The following MACROD2 variants were observed in gnomAD, a reference collection of about 807,000 sequenced individuals.
The protein encoded by MACROD2 is ADP-ribose glycohydrolase MACROD2.
In MACROD2, 36 loss-of-function variants were observed where a neutral mutation model predicts 70.4. That is an observed-to-expected ratio of 0.51 (90% confidence interval 0.39 to 0.68). MACROD2 has a LOEUF of 0.68. MACROD2 is among the 30% of genes least tolerant of loss of function. The probability of loss-of-function intolerance (pLI) is 0.00; values close to 1 mark genes in which losing one functional copy is unlikely to be tolerated. For synonymous variants in MACROD2, 172 were observed against 178.8 expected (o/e 0.96, Z 0.30); for missense variants, 496 against 538.4 (o/e 0.92, Z 0.78).
intron 8 of MACROD2, among the ~76,000 whole-genome samples, chr20:15,604,720 G>T (rs1018376806): frequency 1.3e-5 from 2 of 152,178 alleles, no homozygotes; most frequent in Non-Finnish European, 2.9e-5. Context: ...ACGATTTGGG[G>T]TTCTTGGTTC....
intron 6 of MACROD2, among the ~76,000 whole-genome samples, chr20:15,297,499 T>C (rs1207186292): frequency 6.6e-6 from 1 of 152,214 alleles, no homozygotes; most frequent in African/African-American, 2.4e-5. Flanking sequence ...GGAAAGAATT[T>C]TGCTGCATTG....
At chr20:15,484,694 A>G (rs1429073356) in intron 7 of MACROD2, among the ~76,000 whole-genome samples, 1 of 152,118 alleles carries the variant, frequency 6.6e-6, no homozygotes, top group Non-Finnish European at 1.5e-5. Flanking sequence ...TTTTTCTCTA[A>G]TATTCATTGT....
chr20:15,862,682 A>G (rs2064440638), intron 8 of MACROD2, 63 bp from the exon 9 acceptor site: 1 of 1,323,140 alleles, frequency 7.6e-7, no homozygotes, highest in Non-Finnish European at 1.1e-6. Context: ...TTCTACGGCT[A>G]TGTCCTGGCA....
At chr20:15,885,085 C>T (rs903992397) in intron 9 of MACROD2, among the ~76,000 whole-genome samples, 7 of 152,096 alleles carry the variant, frequency 4.6e-5, no homozygotes, top group African/African-American at 1.7e-4. Context: ...ATATTCAGAA[C>T]ATAGCACTGG....
At chr20:15,425,743 G>T (rs1057087563) in intron 6 of MACROD2, among the ~76,000 whole-genome samples, 28 of 152,186 alleles carry the variant, frequency 1.8e-4, no homozygotes, top group African/African-American at 6.5e-4. Context: ...AGCTGAAGGT[G>T]GAGTCATTTC....
chr20:14,626,343 A>G (rs1284501106), intron 4 of MACROD2, among the ~76,000 whole-genome samples: 1 of 152,112 alleles, frequency 6.6e-6, no homozygotes, highest in Admixed American at 6.6e-5. Flanking sequence ...TGGAGATGAT[A>G]CCTGTGGGGT....
intron 4 of MACROD2, among the ~76,000 whole-genome samples, chr20:14,635,622 T>C (rs1487865001): frequency 6.6e-6 from 1 of 152,250 alleles, no homozygotes; most frequent in Non-Finnish European, 1.5e-5. Context: ...CTGCCTGATG[T>C]ATTTGTCATT....
intron 5 of MACROD2, among the ~76,000 whole-genome samples, chr20:15,053,273 A>G (rs571298500): frequency 1.6e-4 from 24 of 152,332 alleles, no homozygotes; most frequent in African/African-American, 5.8e-4. Context: ...ACAGCGTTAT[A>G]TTGGAAGAAG....
At chr20:14,240,683 C>T (rs911908033) in intron 3 of MACROD2, among the ~76,000 whole-genome samples, 1 of 152,014 alleles carries the variant, frequency 6.6e-6, no homozygotes, top group African/African-American at 2.4e-5. Flanking sequence ...ATACCCAGGC[C>T]TACTTGAGGG....
At chr20:15,030,096 A>T (rs1050848892) in intron 5 of MACROD2, among the ~76,000 whole-genome samples, 1 of 151,926 alleles carries the variant, frequency 6.6e-6, no homozygotes, top group African/African-American at 2.4e-5. Context: ...AAAAAAAAAA[A>T]AAACCTGTTC....
chr20:15,888,670 A>T (rs1007332120), intron 10 of MACROD2, among the ~76,000 whole-genome samples: 3 of 152,106 alleles, frequency 2.0e-5, no homozygotes, highest in African/African-American at 7.2e-5. Context: ...GTTTCCTGGG[A>T]GTTTTGTCAC....
At chr20:14,234,095 T>C (rs541204167) in intron 3 of MACROD2, among the ~76,000 whole-genome samples, 1 of 152,206 alleles carries the variant, frequency 6.6e-6, no homozygotes, top group South Asian at 2.1e-4. Flanking sequence ...TTGTAACAAA[T>C]GTACCACAGT....
At chr20:15,356,282 A>G (rs950538953) in intron 6 of MACROD2, among the ~76,000 whole-genome samples, 1 of 152,222 alleles carries the variant, frequency 6.6e-6, no homozygotes, top group African/African-American at 2.4e-5. Flanking sequence ...TGAGAGAATA[A>G]GATGTAATTA....
intron 5 of MACROD2, among the ~76,000 whole-genome samples, chr20:14,844,744 A>G (rs1301913892): frequency 6.6e-6 from 1 of 152,144 alleles, no homozygotes; most frequent in East Asian, 1.9e-4. Flanking sequence ...AAATCAATCC[A>G]AGACAACTAA....
intron 5 of MACROD2, among the ~76,000 whole-genome samples, chr20:15,185,804 C>A (rs2076530959): frequency 6.6e-6 from 1 of 152,164 alleles, no homozygotes; most frequent in South Asian, 2.1e-4. Flanking sequence ...CTAAATAAGT[C>A]TTATTCTAAC....
Position 14,795,162 on chromosome 20 carries a change from A to C in MACROD2, c.418+110203A>C, listed in dbSNP as rs541482604. Among the ~76,000 whole-genome samples, 4 of 152,256 alleles carry C rather than the reference A, an allele frequency of 2.6e-5. No homozygotes were observed. The East Asian group carries it at 7.7e-4, about 29-fold the overall frequency. On this transcript the variant is annotated intron_variant, in intron 5 of 17. Coordinates refer to ENST00000684519, the MANE Select transcript of MACROD2 (RefSeq NM_001351661.2). ...GACCGTGAAGGACCTTGTAGGGCCC[A>C]GTAAACAGTTGGGATTTTATTCCAA...
intron 3 of MACROD2, among the ~76,000 whole-genome samples, chr20:14,372,800 T>G (rs1220121876): frequency 6.6e-6 from 1 of 152,182 alleles, no homozygotes; most frequent in Non-Finnish European, 1.5e-5. Context: ...GGATTTGTTT[T>G]CATCTAGTCC....
intron 5 of MACROD2, among the ~76,000 whole-genome samples, chr20:14,814,960 G>T (rs1426456728): frequency 6.7e-6 from 1 of 150,052 alleles, no homozygotes; most frequent in Non-Finnish European, 1.5e-5. Flanking sequence ...TGAGTGAATG[G>T]TGTCACCAAA....
intron 6 of MACROD2, among the ~76,000 whole-genome samples, chr20:15,381,625 C>T (rs1298461645): frequency 6.6e-6 from 1 of 152,088 alleles, no homozygotes; most frequent in Admixed American, 6.6e-5. Context: ...ATGATTGCGC[C>T]ACTGAACTCC....
Sources: gnomAD v4.1 joint callset for allele counts (sites outside exome capture counted in the v4.1 genomes callset) on GRCh38, gnomAD v4.1.1 for gene constraint, MANE v1.5 for transcripts, NCBI Gene and HGNC (gene_info 2026-07-23, HGNC 2026-07-21) for gene names.